MARF1: variants seen among roughly 807,000 people sequenced by gnomAD.
MARF1 encodes meiosis regulator and mRNA stability factor 1, also known as limkain-b1.
MARF1 carries 24 observed loss-of-function variants against 168.2 expected under a neutral mutation model. The observed-to-expected ratio is 0.14, with a 90% CI of 0.10 to 0.20. MARF1 has a LOEUF of 0.20. Among genes scored for constraint, MARF1 ranks in the 10% least tolerant of loss-of-function variants. MARF1 has a pLI of 1.00. For missense variants in MARF1, 1,744 were observed against 2,143.6 expected, an observed-to-expected ratio of 0.81 and a Z score of 3.68; for synonymous variants, 868 against 822.4, an observed-to-expected ratio of 1.06 and a Z score of -0.95.
chr16:15,635,589 A>G, intron 3 of MARF1, 67 bp downstream of exon 3: 1 of 1,368,862 alleles, frequency 7.3e-7, no homozygotes, highest in Non-Finnish European at 1.0e-6. Context: ...TTTCAAGATA[A>G]ATCCACTTCA....
chr16:15,614,342 G>A (rs919049750), intron 16 of MARF1, among the ~76,000 whole-genome samples: 12 of 149,942 alleles, frequency 8.0e-5, no homozygotes, highest in Non-Finnish European at 1.8e-4. Context: ...AAATAGCCGG[G>A]CGTGGTGGCA....
chr16:15,639,174 T>G lies in MARF1; in HGVS notation c.60A>C (p.Gln20His). ...AAAGCCATGGCTTAGCATCATTATC[T>G]TGTTGAAGCCATCCACGTGTTCTAC... The part of the protein sequence containing the change: ...SCSRTRGWLQ[Q>H]DNDAKPWLWK... The change falls in exon 2 of 27, where the codon CAA becomes CAC. Residue 20 changes from glutamine (Q) to histidine (H), a missense_variant. By Grantham distance (24) the Gln-to-His change is conservative (BLOSUM62 0). Around this residue, in one of 7 missense-constraint regions of MARF1, gnomAD observed 318 missense variants for 336.6 expected, o/e 0.94. Transcript: ENST00000396368. The G allele has an allele frequency of 6.2e-7, 1 of 1,614,218 alleles. No individual in the cohort carries two copies. Among genetic ancestry groups the G allele is most frequent in the South Asian group, 1.1e-5 (1 of 91,086 alleles).
intron 11 of MARF1, 103 bp from the exon 12 acceptor site, chr16:15,622,014 C>T (rs1037385457): frequency 9.6e-7 from 1 of 1,039,454 alleles, no homozygotes; most frequent in Non-Finnish European, 1.4e-6. Flanking sequence ...GACTGCAGCG[C>T]TTCCATGAAG....
intron 18 of MARF1, 25 bp downstream of exon 18, chr16:15,611,567 A>G (rs1378348284): frequency 6.2e-7 from 1 of 1,603,600 alleles, no homozygotes; most frequent in Non-Finnish European, 8.5e-7. Context: ...ATTTACTTTC[A>G]TTTCTGTTCT....
At position 15,612,574 on chromosome 16, in the gene MARF1, C is replaced by G. The variant is rs1408378936; in HGVS notation, c.3457G>C (p.Val1153Leu). Reference sequence around the variant, plus strand: ...CGCCTTACCTGCAATACATGAGGCACTGCTTCTAATAACTCAATCAGCTTG... The same window carrying G: ...CGCCTTACCTGCAATACATGAGGCAGTGCTTCTAATAACTCAATCAGCTTG... ...YSKLIELLEA[V>L]PHVLQILGMG... The change falls in exon 17 of 27, where the codon GTG (valine) becomes CTG (leucine). Residue 1153 changes from valine (V) to leucine (L), a missense_variant. Coordinates refer to ENST00000396368, the MANE Select transcript of MARF1 (RefSeq NM_014647.4). 6.2e-7 allele frequency: 1 copy of G among 1,613,984 alleles called. No homozygotes were observed. Among genetic ancestry groups the G allele is most frequent in the East Asian group, 2.2e-5 (1 of 44,900 alleles).
chr16:15,624,625 G>A, intron 10 of MARF1, 144 bp downstream of exon 10: 2 of 738,918 alleles, frequency 2.7e-6, no homozygotes, highest in Non-Finnish European at 4.5e-6. Context: ...ATGATTACCT[G>A]AGGAGAGGGG....
At chr16:15,613,856 AG>A (rs1486174550) in intron 16 of MARF1, among the ~76,000 whole-genome samples, 1 of 152,140 alleles carries the variant, frequency 6.6e-6, no homozygotes, top group East Asian at 1.9e-4. Flanking sequence ...AGGCTGACTC[AG>A]AAAGAATTCC....
rs1444085590 is a variant in MARF1 at position 15,595,696 on chromosome 16, T to C, written c.*997A>G. On this transcript the variant is annotated 3_prime_UTR_variant, in exon 27 of 27. Transcript: ENST00000396368. ...ACCGATACCAGCTTTAAAATTACAA[T>C]AACAAGGTTAAGTGGATCAACCTTG... 2 of 152,162 alleles carry C rather than the reference T, an allele frequency of 1.3e-5. No individual in the cohort carries two copies. Among genetic ancestry groups the C allele is most frequent in the Non-Finnish European group, 2.9e-5 (2 of 68,028 alleles). The allele number at this position is 152,162 out of a possible 1,614,324, so 9.4% of individuals were successfully genotyped here. A position where few individuals can be genotyped will look rare whatever the true frequency, so the allele number is the denominator to read the frequency against.
At chr16:15,614,299 G>T (rs1408281823) in intron 16 of MARF1, among the ~76,000 whole-genome samples, 1 of 150,912 alleles carries the variant, frequency 6.6e-6, no homozygotes, top group African/African-American at 2.4e-5. Context: ...TTGCTAACAC[G>T]GTGAAACCCT....
chr16:15,629,432 C>T (rs1321401378), intron 7 of MARF1, among the ~76,000 whole-genome samples: 4 of 152,116 alleles, frequency 2.6e-5, no homozygotes, highest in African/African-American at 7.2e-5. Context: ...TCAGGATACC[C>T]GGGGCCCACT....
intron 26 of MARF1, among the ~76,000 whole-genome samples, chr16:15,597,897 G>A (rs973150994): frequency 2.6e-5 from 4 of 151,766 alleles, no homozygotes; most frequent in Admixed American, 6.6e-5. Context: ...GGTTCTATCC[G>A]CAGGCAGTTA....
chr16:15,639,330 C>A (rs1373894509), intron 1 of MARF1, 39 bp from the exon 2 acceptor site: 1 of 1,370,164 alleles, frequency 7.3e-7, no homozygotes, highest in Non-Finnish European at 1.0e-6. Flanking sequence ...TATTTCCTTG[C>A]ATAAGTACAA....
chr16:15,627,527 A>T (rs1428634528), intron 7 of MARF1, among the ~76,000 whole-genome samples: 1 of 152,176 alleles, frequency 6.6e-6, no homozygotes, highest in Admixed American at 6.5e-5. Flanking sequence ...CTGAGGAAGG[A>T]GAATCAATTG....
At chr16:15,626,991 A>G (rs943099211) in intron 7 of MARF1, among the ~76,000 whole-genome samples, 5 of 150,282 alleles carry the variant, frequency 3.3e-5, no homozygotes, top group African/African-American at 1.2e-4. Context: ...AGAAAGAAAG[A>G]AGGAAGTAGA....
chr16:15,631,733 T>C (rs936398119), intron 5 of MARF1, among the ~76,000 whole-genome samples: 8 of 152,264 alleles, frequency 5.3e-5, no homozygotes, highest in African/African-American at 1.7e-4. Flanking sequence ...GTTCTAATGC[T>C]CTTCCTCCCC....
rs577246296 is a variant in MARF1 at position 15,633,602 on chromosome 16, A to T, written c.1233+15T>A. The stretch of plus-strand genomic sequence containing the variant: ...CTCTACTGTAGATTAAAATTATTAA[A>T]TTTTTTTTTTTTACCTGGCAATTAT... On this transcript the variant is annotated intron_variant, in intron 5 of 26. Transcript: ENST00000396368. 915 of 1,319,194 alleles carry T rather than the reference A, an allele frequency of 6.9e-4. 3 individuals carry two copies. The South Asian group carries it at 9.4e-3, about 14-fold the overall frequency. The allele number at this position is 1,319,194 out of a possible 1,614,324, so 81.7% of individuals were successfully genotyped here.
intron 10 of MARF1, among the ~76,000 whole-genome samples, chr16:15,623,909 TC>T (rs2034649460): frequency 1.3e-5 from 2 of 149,294 alleles, no homozygotes; most frequent in African/African-American, 5.0e-5. Flanking sequence ...AGTCACTTTC[TC>T]TTTTTTTTTT....
intron 21 of MARF1, among the ~76,000 whole-genome samples, chr16:15,604,646 G>A (rs1331971129): frequency 6.6e-6 from 1 of 152,112 alleles, no homozygotes; most frequent in Admixed American, 6.5e-5. Context: ...ATAATAATGG[G>A]GGAGGAAATT....
intron 1 of MARF1, chr16:15,642,487 G>A (rs918746862): frequency 1.3e-5 from 2 of 152,202 alleles, no homozygotes; most frequent in Non-Finnish European, 2.9e-5. Context: ...AGACACAAAT[G>A]CAATTGGACA....
Sources: allele counts gnomAD v4.1 joint callset (sites outside exome capture counted in the v4.1 genomes callset), GRCh38; gene constraint gnomAD v4.1.1; regional missense constraint gnomAD v4.1.1; transcripts MANE v1.5; gene names NCBI Gene and HGNC (gene_info 2026-07-23, HGNC 2026-07-21).